The following LPAR1 variants were observed in gnomAD, a reference collection of about 807,000 sequenced individuals.
The protein encoded by LPAR1 is lysophosphatidic acid receptor 1, also known as LPA receptor 1.
In LPAR1, 5 loss-of-function variants were observed where a neutral mutation model predicts 23.8. The observed-to-expected ratio is 0.21, with a 90% CI of 0.11 to 0.44. The LOEUF (loss-of-function observed/expected upper bound fraction) is 0.44, where lower values mean the gene tolerates loss of function less well. Ranked by LOEUF, LPAR1 falls within the 20% of genes least tolerant of loss-of-function variation. LPAR1 has a pLI of 0.99. For missense variants in LPAR1, 311 were observed against 482.8 expected, an observed-to-expected ratio of 0.64 and a Z score of 3.33; for synonymous variants, 160 against 164.7, an observed-to-expected ratio of 0.97 and a Z score of 0.22.
chr9:110,892,472 T>G (rs2084547121), intron 5 of LPAR1, among the ~76,000 whole-genome samples: 1 of 152,124 alleles, frequency 6.6e-6, no homozygotes, highest in Non-Finnish European at 1.5e-5. Context: ...GAGACCAGCC[T>G]GACCAACATG....
intron 5 of LPAR1, among the ~76,000 whole-genome samples, chr9:110,936,104 G>A (rs1040562495): frequency 2.6e-5 from 4 of 152,050 alleles, no homozygotes; most frequent in Admixed American, 6.6e-5. Context: ...CACTCCACTC[G>A]TCATCACTCT....
chr9:110,963,732 G>C (rs537633481), intron 4 of LPAR1, among the ~76,000 whole-genome samples: 35 of 152,140 alleles, frequency 2.3e-4, no homozygotes, highest in African/African-American at 8.0e-4. Flanking sequence ...CATACGTCAG[G>C]TATCTATCAA....
At chr9:110,914,462 G>A (rs543362409) in intron 5 of LPAR1, among the ~76,000 whole-genome samples, 12 of 152,218 alleles carry the variant, frequency 7.9e-5, no homozygotes, top group East Asian at 3.9e-4. Context: ...AGAACAGCAC[G>A]GGAAAGACCC....
chr9:111,019,674 A>G lies in LPAR1; in HGVS notation c.-182+16448T>C, dbSNP rs1257795996. On this transcript the variant is annotated intron_variant, in intron 2 of 5. Transcript: ENST00000683809. ...AACATGGTGAAACCCCGTCTCTACT[A>G]AAAAAAAAAACATACAAAAAATTAG... Among the ~76,000 whole-genome samples the G allele has an allele frequency of 1.4e-4, 21 of 145,184 alleles. No individual in the cohort carries two copies. The Admixed American group carries it at 1.4e-3, about 10-fold the overall frequency.
At chr9:110,919,792 C>T (rs1179099535) in intron 5 of LPAR1, among the ~76,000 whole-genome samples, 3 of 152,150 alleles carry the variant, frequency 2.0e-5, no homozygotes, top group Non-Finnish European at 2.9e-5. Context: ...GGAAATCTGC[C>T]TCCAATAAAC....
At chr9:110,924,552 C>T (rs1402154461) in intron 5 of LPAR1, among the ~76,000 whole-genome samples, 2 of 151,552 alleles carry the variant, frequency 1.3e-5, no homozygotes, top group African/African-American at 4.9e-5. Flanking sequence ...AAAGAGTAAG[C>T]TGGGTGTGGT....
At chr9:110,987,670 G>GTATATA (rs34757955) in intron 2 of LPAR1, among the ~76,000 whole-genome samples, 1,921 of 147,964 alleles carry the variant, frequency 0.013, 45 homozygotes, top group African/African-American at 0.045. Context: ...GAACCTACAT[G>GTATATA]TATATATATA....
intron 2 of LPAR1, among the ~76,000 whole-genome samples, chr9:111,021,301 AT>A (rs765323381): frequency 5.8e-4 from 89 of 152,300 alleles, no homozygotes; most frequent in Middle Eastern, 3.4e-3. Flanking sequence ...TTTGCTTGTC[AT>A]TATACATCAA....
At chr9:110,929,706 G>A (rs994770606) in intron 5 of LPAR1, among the ~76,000 whole-genome samples, 1 of 56,640 alleles carries the variant, frequency 1.8e-5, no homozygotes, top group Non-Finnish European at 5.0e-5. Context: ...TAATGTGTGT[G>A]TGTGTGTGTG....
chr9:110,980,169 T>C lies in LPAR1; in HGVS notation c.-181-6611A>G, dbSNP rs115451231. Among the ~76,000 whole-genome samples, 1,502 of 152,236 alleles carry C rather than the reference T, an allele frequency of 9.9e-3. 26 individuals carry two copies. Among genetic ancestry groups the C allele is most frequent in the African/African-American group, 0.033 (1,374 of 41,564 alleles). On this transcript the variant is annotated intron_variant, in intron 2 of 5. Coordinates refer to ENST00000683809, the MANE Select transcript of LPAR1 (RefSeq NM_001351411.2). ...GTTCAGGATGGGAGTATGTGAATGGTACACTTTGCACATGGTACATCTATA... is the reference window on the plus strand; with the variant it reads ...GTTCAGGATGGGAGTATGTGAATGGCACACTTTGCACATGGTACATCTATA...
rs139921259 is a variant in LPAR1 at position 110,892,667 on chromosome 9, AAG to A, written c.794-16947_794-16946del. 2.7e-3 allele frequency among the ~76,000 whole-genome samples: 389 copies of A among 145,016 alleles called. 3 individuals are homozygous for A. Among genetic ancestry groups the A allele is most frequent in the African/African-American group, 9.7e-3 (373 of 38,620 alleles). ...TGACAGAGTGAGAAAGAAAGAAAGA[AAG>A]AGAGAGAGAGGGGGAAGGGAGGGGA... On this transcript the variant is annotated intron_variant, in intron 5 of 5. Coordinates refer to ENST00000683809, the MANE Select transcript of LPAR1 (RefSeq NM_001351411.2).
chr9:110,974,667 T>C (rs1187193891), intron 2 of LPAR1, among the ~76,000 whole-genome samples: 1 of 152,242 alleles, frequency 6.6e-6, no homozygotes, highest in Non-Finnish European at 1.5e-5. Flanking sequence ...GTCATGACAT[T>C]CAACACCGAA....
Position 110,874,114 on chromosome 9 carries a change from T to A in LPAR1, c.*1307A>T, listed in dbSNP as rs942198281. ...TACAAGATGACATTTCACATTTTTT[T>A]AAAAAAAGAATCCTTCATGGGAATA... On this transcript the variant is annotated 3_prime_UTR_variant, in exon 6 of 6. Coordinates refer to ENST00000683809, the MANE Select transcript of LPAR1 (RefSeq NM_001351411.2). 3.3e-5 allele frequency: 5 copies of A among 152,530 alleles called. No homozygotes were observed. The highest frequency in any genetic ancestry group is 5.9e-5 in the Non-Finnish European group (4 of 68,006). The allele number at this position is 152,530 out of a possible 1,614,324, so 9.4% of individuals were successfully genotyped here.
intron 2 of LPAR1, among the ~76,000 whole-genome samples, chr9:111,034,878 C>T (rs1011370925): frequency 3.3e-5 from 5 of 152,166 alleles, no homozygotes; most frequent in African/African-American, 9.7e-5. Context: ...TCACCCCACA[C>T]TCTCACTTTG....
At chr9:110,971,488 C>T (rs984004136) in intron 4 of LPAR1, among the ~76,000 whole-genome samples, 2 of 152,158 alleles carry the variant, frequency 1.3e-5, no homozygotes, top group African/African-American at 4.8e-5. Flanking sequence ...CTGATTAAAT[C>T]AGGCTGTAAA....
intron 2 of LPAR1, among the ~76,000 whole-genome samples, chr9:111,035,406 TAGAG>T (rs1402937038): frequency 6.6e-6 from 1 of 152,106 alleles, no homozygotes; most frequent in African/African-American, 2.4e-5. Flanking sequence ...ATTTTTTTTA[TAGAG>T]ACAGAGTCTC....
At chr9:111,012,870 C>T (rs992398281) in intron 2 of LPAR1, among the ~76,000 whole-genome samples, 3 of 152,012 alleles carry the variant, frequency 2.0e-5, no homozygotes, top group South Asian at 2.1e-4. Flanking sequence ...TAATAGTAAG[C>T]GGGAATTCCT....
At chr9:111,022,546 A>T (rs577835022) in intron 2 of LPAR1, among the ~76,000 whole-genome samples, 2 of 152,342 alleles carry the variant, frequency 1.3e-5, no homozygotes. Flanking sequence ...ATTATATTCA[A>T]ATCAACAAGA....
At chr9:111,011,486 G>A (rs1485058463) in intron 2 of LPAR1, among the ~76,000 whole-genome samples, 1 of 152,114 alleles carries the variant, frequency 6.6e-6, no homozygotes, top group East Asian at 1.9e-4. Context: ...ACCCATCCCT[G>A]GGACCCAGCT....
Sources: gnomAD v4.1 joint callset for allele counts (sites outside exome capture counted in the v4.1 genomes callset) on GRCh38, gnomAD v4.1.1 for gene constraint, MANE v1.5 for transcripts, NCBI Gene and HGNC (gene_info 2026-07-23, HGNC 2026-07-21) for gene names.